Variants in CTXND1 observed in about 807,000 individuals in gnomAD.
CTXND1 encodes cortexin domain containing 1.
intron 1 of CTXND1, among the ~76,000 whole-genome samples, chr15:80,236,055 C>A (rs1893491582): frequency 6.8e-6 from 1 of 147,810 alleles, no homozygotes; most frequent in African/African-American, 2.5e-5. Context: ...ACCACATTTC[C>A]CAAAATAATG....
intron 1 of CTXND1, among the ~76,000 whole-genome samples, chr15:80,210,531 C>T (rs532064337): frequency 1.3e-5 from 2 of 152,214 alleles, no homozygotes; most frequent in South Asian, 4.2e-4. Flanking sequence ...CACCTTGTTC[C>T]CCTGGACCTG....
chr15:80,248,459 T>C (rs1299020284), intron 1 of CTXND1, among the ~76,000 whole-genome samples: 1 of 152,216 alleles, frequency 6.6e-6, no homozygotes, highest in Admixed American at 6.5e-5. Flanking sequence ...ATTACTCTCC[T>C]GGCTTAAAAC....
At chr15:80,228,469 C>T (rs1170222956) in intron 1 of CTXND1, among the ~76,000 whole-genome samples, 1 of 152,176 alleles carries the variant, frequency 6.6e-6, no homozygotes, top group Admixed American at 6.5e-5. Context: ...TTCTCTTTCA[C>T]ATGGTAAGCA....
At chr15:80,216,593 C>T (rs1182683975) in intron 1 of CTXND1, among the ~76,000 whole-genome samples, 2 of 145,554 alleles carry the variant, frequency 1.4e-5, no homozygotes, top group African/African-American at 5.0e-5. Flanking sequence ...TCATCCAGTC[C>T]CTTCCATTAT....
At chr15:80,248,671 A>G (rs1030608099) in intron 1 of CTXND1, among the ~76,000 whole-genome samples, 1 of 152,218 alleles carries the variant, frequency 6.6e-6, no homozygotes, top group African/African-American at 2.4e-5. Flanking sequence ...TCTAGAACAC[A>G]GGGAGCTCCG....
chr15:80,225,298 A>C (rs1342013886), intron 1 of CTXND1, among the ~76,000 whole-genome samples: 2 of 152,210 alleles, frequency 1.3e-5, no homozygotes, highest in African/African-American at 4.8e-5. Flanking sequence ...TTTAATATCC[A>C]AAAATTTTAC....
chr15:80,200,405 G>C lies in CTXND1; in HGVS notation c.*1365C>G, dbSNP rs1359677908. On this transcript the variant is annotated 3_prime_UTR_variant, in exon 3 of 3. Coordinates refer to ENST00000560778, the MANE Select transcript of CTXND1 (RefSeq NM_001352888.2). ...TCTAACAAGGAAGTAGAGGAATTGG[G>C]ACTTGGGGCCGGTTTTGTAGGCTCT... 6.6e-6 allele frequency: 1 copy of C among 152,166 alleles called. No individual in the cohort carries two copies. The highest frequency in any genetic ancestry group is 1.5e-5 in the Non-Finnish European group (1 of 68,062). 9.4% of individuals were successfully genotyped at this position (152,166 alleles called of 1,614,324 possible). A position where few individuals can be genotyped will look rare whatever the true frequency, so the allele number is the denominator to read the frequency against.
At position 80,195,649 on chromosome 15, in the gene CTXND1, C is replaced by A. The variant is rs2041416580; in HGVS notation, c.*6121G>T. On this transcript the variant is annotated 3_prime_UTR_variant, in exon 3 of 3. Transcript: ENST00000560778. ...GACCAAACACCCCCTTCATAACAAA[C>A]CCACTCTTGAGATAACTGCATTAAT... 6.6e-6 allele frequency: 1 copy of A among 152,190 alleles called. No individual in the cohort carries two copies. Among genetic ancestry groups the A allele is most frequent in the African/African-American group, 2.4e-5 (1 of 41,436 alleles). 9.4% of individuals were successfully genotyped at this position (152,190 alleles called of 1,614,324 possible). A position where few individuals can be genotyped will look rare whatever the true frequency, so the allele number is the denominator to read the frequency against.
At chr15:80,247,887 G>C (rs1374166687) in intron 1 of CTXND1, among the ~76,000 whole-genome samples, 1 of 152,174 alleles carries the variant, frequency 6.6e-6, no homozygotes, top group African/African-American at 2.4e-5. Flanking sequence ...CTGCCATACT[G>C]TTAATGCTGT....
chr15:80,222,694 C>A (rs1217973491), intron 1 of CTXND1, among the ~76,000 whole-genome samples: 2 of 152,124 alleles, frequency 1.3e-5, no homozygotes, highest in Middle Eastern at 3.4e-3. Flanking sequence ...TCTTGTTTTT[C>A]TTACAGTTTT....
At chr15:80,249,510 T>C (rs1893670715) in intron 1 of CTXND1, among the ~76,000 whole-genome samples, 1 of 152,224 alleles carries the variant, frequency 6.6e-6, no homozygotes, top group Admixed American at 6.5e-5. Context: ...AATTAAATGA[T>C]GGAATATATA....
At chr15:80,232,544 T>C (rs1893442886) in intron 1 of CTXND1, among the ~76,000 whole-genome samples, 1 of 152,208 alleles carries the variant, frequency 6.6e-6, no homozygotes, top group East Asian at 1.9e-4. Flanking sequence ...ACACCATGCA[T>C]GAGCAGGAGA....
At chr15:80,207,761 G>T (rs1326482417) in intron 1 of CTXND1, among the ~76,000 whole-genome samples, 1 of 152,182 alleles carries the variant, frequency 6.6e-6, no homozygotes, top group Non-Finnish European at 1.5e-5. Flanking sequence ...GCCCACTTCA[G>T]GTGGGGTTCA....
chr15:80,215,092 T>G (rs1893237917), intron 1 of CTXND1, among the ~76,000 whole-genome samples: 2 of 152,140 alleles, frequency 1.3e-5, no homozygotes, highest in Admixed American at 6.5e-5. Flanking sequence ...AAACCCAAAT[T>G]AAACAATCTC....
chr15:80,216,723 T>A (rs1375428190), intron 1 of CTXND1, among the ~76,000 whole-genome samples: 1 of 152,182 alleles, frequency 6.6e-6, no homozygotes. Context: ...CAAGGGATTC[T>A]CCTGCCTCAG....
At chr15:80,244,233 T>C (rs1893604003) in intron 1 of CTXND1, among the ~76,000 whole-genome samples, 1 of 152,236 alleles carries the variant, frequency 6.6e-6, no homozygotes. Context: ...TTCTTTCCTC[T>C]GAGCCTAGCA....
chr15:80,236,625 A>T (rs1893499500), intron 1 of CTXND1, among the ~76,000 whole-genome samples: 1 of 152,142 alleles, frequency 6.6e-6, no homozygotes. Context: ...TCTACTAAAC[A>T]TACAAATATT....
intron 1 of CTXND1, among the ~76,000 whole-genome samples, chr15:80,216,173 T>C (rs1010171866): frequency 5.9e-5 from 9 of 152,216 alleles, no homozygotes; most frequent in Non-Finnish European, 1.5e-5. Context: ...GTCCCCGTTC[T>C]CCAGGGCTGG....
At chr15:80,226,167 G>T (rs781700770) in intron 1 of CTXND1, among the ~76,000 whole-genome samples, 15 of 152,230 alleles carry the variant, frequency 9.9e-5, no homozygotes, top group African/African-American at 1.4e-4. Flanking sequence ...GTCCCCAATT[G>T]TCCAGTTGTA....
Sources: gnomAD v4.1 joint callset for allele counts (sites outside exome capture counted in the v4.1 genomes callset) on GRCh38, gnomAD v4.1.1 for gene constraint, MANE v1.5 for transcripts, NCBI Gene and HGNC (gene_info 2026-07-23, HGNC 2026-07-21) for gene names.